ELP1: variants seen among roughly 807,000 people sequenced by gnomAD.
ELP1 encodes elongator complex protein 1.
ELP1 carries 131 observed loss-of-function variants against 183.2 expected under a neutral mutation model. The observed-to-expected ratio is 0.72, with a 90% CI of 0.62 to 0.83. The LOEUF (loss-of-function observed/expected upper bound fraction) is 0.83. Among genes scored for constraint, ELP1 ranks in the 40% least tolerant of loss-of-function variants. ELP1 has a pLI of 0.00. For missense variants in ELP1, 1,550 were observed against 1,594.9 expected (o/e 0.97, Z 0.48); for synonymous variants, 555 against 569.0 (o/e 0.98, Z 0.35).
chr9:108,910,738 A>C (rs1171923862), intron 12 of ELP1, among the ~76,000 whole-genome samples: 1 of 151,756 alleles, frequency 6.6e-6, no homozygotes, highest in Non-Finnish European at 1.5e-5. Context: ...ATAACATACT[A>C]TGTTATTTCC....
chr9:108,876,348 T>C (rs1827705169), intron 35 of ELP1, among the ~76,000 whole-genome samples: 1 of 152,172 alleles, frequency 6.6e-6, no homozygotes, highest in South Asian at 2.1e-4. Context: ...GAAATACCTA[T>C]TATAATAAAT....
chr9:108,885,318 G>C (rs11791391), intron 29 of ELP1, among the ~76,000 whole-genome samples: 55,992 of 151,870 alleles, frequency 0.37, 12,310 homozygotes, highest in Non-Finnish European at 0.48. Flanking sequence ...TCAATATCTA[G>C]AATGAAAGAC....
At chr9:108,901,295 C>T (rs1190061521) in intron 18 of ELP1, 130 bp downstream of exon 18, 2 of 714,032 alleles carry the variant, frequency 2.8e-6, no homozygotes, top group Admixed American at 4.2e-5. Context: ...AGTAAAATAA[C>T]TCTAAAGATT....
rs1439801646 is a variant in ELP1, at chr9:108,893,992, G to T, written c.2811C>A (p.Asp937Glu). ...METNYQRFTI[D>E]KYLKRYEKAI... Reference sequence around the variant, plus strand: ...CTTTTTCATATCGTTTCAAGTATTTGTCTATAGTAAACCGCTGATAATTAG... The same window carrying T: ...CTTTTTCATATCGTTTCAAGTATTTTTCTATAGTAAACCGCTGATAATTAG... The change falls in exon 26 of 37, where the codon GAC (aspartate) becomes GAA (glutamate). Residue 937 changes from aspartate to glutamate, a missense_variant. By Grantham distance (45) the Asp-to-Glu change is conservative. Transcript: ENST00000374647. The T allele has an allele frequency of 6.2e-7, 1 of 1,611,072 alleles. No individual in the cohort carries two copies. The highest frequency in any genetic ancestry group is 1.7e-5 in the Admixed American group (1 of 59,980).
At chr9:108,911,237 A>G in intron 11 of ELP1, 57 bp from the exon 12 acceptor site, 4 of 1,515,768 alleles carry the variant, frequency 2.6e-6, no homozygotes, top group Non-Finnish European at 3.6e-6. Flanking sequence ...TTGTAAGATA[A>G]GCCATCTGAA....
rs41278357 is a variant in ELP1 at position 108,891,504 on chromosome 9, G to A, written c.2959-100C>T. On this transcript the variant is annotated intron_variant, in intron 27 of 36. Transcript: ENST00000374647. ...TAGTTCCTATACTTGGAACTCCCTT[G>A]AAAGAATTACCTGGGAAAATCTTAC... is the stretch of plus-strand genomic sequence containing the variant. The A allele has an allele frequency of 1.3e-3, 1,355 of 1,070,598 alleles. 1 individual carries two copies. The highest frequency in any genetic ancestry group is 1.8e-3 in the Non-Finnish European group (1,247 of 705,324). 66.3% of individuals were successfully genotyped at this position (1,070,598 alleles called of 1,614,324 possible).
Position 108,929,211 on chromosome 9 carries a change from ACC to A in ELP1, c.303+556_303+557del, listed in dbSNP as rs1427611381. ...AAGAATCAGCCAAGTGTAATTTGAA[ACC>A]CTTGCTGTTAAGAAGGTGAGGATAG... On this transcript the variant is annotated intron_variant, in intron 3 of 36. Coordinates refer to ENST00000374647, the MANE Select transcript of ELP1 (RefSeq NM_003640.5). 4.6e-3 allele frequency among the ~76,000 whole-genome samples: 703 copies of A among 152,352 alleles called. 5 individuals are homozygous for A. The highest frequency in any genetic ancestry group is 0.016 in the African/African-American group (669 of 41,580).
At chr9:108,913,125 C>T (rs551236893) in intron 10 of ELP1, among the ~76,000 whole-genome samples, 1 of 152,112 alleles carries the variant, frequency 6.6e-6, no homozygotes, top group African/African-American at 2.4e-5. Context: ...CAGGAAAAAG[C>T]ATTCTTTTAG....
intron 2 of ELP1, 50 bp from the exon 3 acceptor site, chr9:108,929,971 T>C: frequency 6.3e-7 from 1 of 1,583,216 alleles, no homozygotes; most frequent in Non-Finnish European, 8.7e-7. Context: ...CTTTCAAGAA[T>C]AATTGATAAC....
chr9:108,891,059 A>T, intron 28 of ELP1, 144 bp downstream of exon 28: 2 of 798,392 alleles, frequency 2.5e-6, no homozygotes, highest in Non-Finnish European at 2.1e-6. Flanking sequence ...CTTATCCTTT[A>T]AAGCATTCTA....
In ELP1 at chr9:108,879,533, T is replaced by C; in HGVS notation, c.3485A>G (p.Glu1162Gly). The C allele has an allele frequency of 1.2e-6, 2 of 1,613,978 alleles. No individual in the cohort carries two copies. The highest frequency in any genetic ancestry group is 1.1e-5 in the South Asian group (1 of 91,074). ...GCTAGTTTCAGAGAAGAGGTCTGAC[T>C]CTTGCCCGTGGGGTACCTCATCATC... ...GLDDEVPHGQESDLFSETSSV... is the reference protein window; with the variant it reads ...GLDDEVPHGQGSDLFSETSSV... The change falls in exon 33 of 37, where the codon GAG becomes GGG. Residue 1162 changes from glutamate to glycine, a missense_variant. Glu to Gly is a moderately conservative substitution (Grantham distance 98, BLOSUM62 -2). Transcript: ENST00000374647.
At chr9:108,905,640 T>C (rs1258492198) in intron 14 of ELP1, among the ~76,000 whole-genome samples, 2 of 152,138 alleles carry the variant, frequency 1.3e-5, no homozygotes, top group East Asian at 1.9e-4. Context: ...CATTTAACGA[T>C]GGGGATACGT....
intron 36 of ELP1, among the ~76,000 whole-genome samples, chr9:108,873,517 T>TA: frequency 6.6e-6 from 1 of 152,318 alleles, no homozygotes; most frequent in East Asian, 1.9e-4. Context: ...AGAGTGTCTT[T>TA]AAGGCTCAGC....
At chr9:108,872,940 G>A (rs1457093812) in intron 36 of ELP1, among the ~76,000 whole-genome samples, 3 of 148,988 alleles carry the variant, frequency 2.0e-5, no homozygotes, top group Admixed American at 1.3e-4. Context: ...ACAAAGTACA[G>A]ACTTTTGGGC....
At chr9:108,913,062 CAT>C (rs1461720501) in intron 10 of ELP1, among the ~76,000 whole-genome samples, 4 of 152,060 alleles carry the variant, frequency 2.6e-5, no homozygotes, top group African/African-American at 9.7e-5. Context: ...GCCTGGCCCA[CAT>C]GTTTATTTTC....
At chr9:108,870,060 C>T (rs1306440839) in intron 36 of ELP1, among the ~76,000 whole-genome samples, 2 of 152,070 alleles carry the variant, frequency 1.3e-5, no homozygotes, top group Admixed American at 6.5e-5. Flanking sequence ...ACTGCAGCCT[C>T]GACCCCCTGG....
intron 26 of ELP1, 137 bp downstream of exon 26, chr9:108,893,806 G>A (rs1828433321): frequency 4.4e-6 from 4 of 918,924 alleles, no homozygotes; most frequent in East Asian, 5.2e-5. Context: ...AAAATAACGT[G>A]AGCATACATA....
At chr9:108,878,297 G>T in intron 34 of ELP1, 148 bp from the exon 35 acceptor site, 1 of 749,890 alleles carries the variant, frequency 1.3e-6, no homozygotes, top group Non-Finnish European at 2.2e-6. Flanking sequence ...CCAAATGCTG[G>T]AATAATTAAA....
intron 5 of ELP1, among the ~76,000 whole-genome samples, chr9:108,924,502 C>T (rs1264648164): frequency 6.6e-6 from 1 of 151,968 alleles, no homozygotes; most frequent in African/African-American, 2.4e-5. Flanking sequence ...GTGGGAAACA[C>T]CAGGCCCAGA....
Sources: allele counts gnomAD v4.1 joint callset (sites outside exome capture counted in the v4.1 genomes callset), GRCh38; gene constraint gnomAD v4.1.1; transcripts MANE v1.5; gene names NCBI Gene and HGNC (gene_info 2026-07-23, HGNC 2026-07-21).